Variants in FARS2 observed in about 807,000 individuals in gnomAD.
FARS2 encodes the protein phenylalanyl-tRNA synthetase 2, mitochondrial.
Under a neutral mutation model 46.4 loss-of-function variants are expected in FARS2, and 40 were observed. That is an observed-to-expected ratio of 0.86 (90% CI 0.67 to 1.12). The LOEUF is 1.12. FARS2 is among the 50% of genes most tolerant of loss of function. The probability of loss-of-function intolerance (pLI) is 0.00; values close to 1 mark genes in which losing one functional copy is unlikely to be tolerated. For synonymous variants in FARS2, 234 were observed against 214.9 expected (o/e 1.09, Z -0.78); for missense variants, 513 against 567.9 (o/e 0.90, Z 0.98).
Position 5,641,341 on chromosome 6 carries a change from G to A in FARS2, c.1217+28021G>A, listed in dbSNP as rs563375015. Among the ~76,000 whole-genome samples, 4 of 151,900 alleles carry A rather than the reference G, an allele frequency of 2.6e-5. No individual in the cohort carries two copies. The South Asian group carries it at 8.3e-4, about 32-fold the overall frequency. On this transcript the variant is annotated intron_variant, in intron 6 of 6. Coordinates refer to ENST00000274680, the MANE Select transcript of FARS2 (RefSeq NM_006567.5). ...AGACATAGTCTTACTCTTTCACCGA[G>A]GCTGGAGTGCAGTGGCATGATCTTG...
At chr6:5,613,441 G>T in intron 6 of FARS2, 121 bp downstream of exon 6, 1 of 742,462 alleles carries the variant, frequency 1.3e-6, no homozygotes, top group Non-Finnish European at 2.2e-6. Flanking sequence ...TTCTGAATTT[G>T]TAGTGAATGT....
intron 4 of FARS2, among the ~76,000 whole-genome samples, chr6:5,515,945 G>A (rs1157778268): frequency 6.6e-6 from 1 of 152,178 alleles, no homozygotes; most frequent in Non-Finnish European, 1.5e-5. Context: ...AGCCCTATGT[G>A]TGTAATTTAG....
At chr6:5,595,907 G>T (rs558210170) in intron 5 of FARS2, among the ~76,000 whole-genome samples, 1 of 152,120 alleles carries the variant, frequency 6.6e-6, no homozygotes, top group Non-Finnish European at 1.5e-5. Flanking sequence ...GAGTTGTAGC[G>T]GCTGAGTGAC....
intron 5 of FARS2, among the ~76,000 whole-genome samples, chr6:5,560,098 T>C (rs796372573): frequency 8.5e-5 from 13 of 152,284 alleles, no homozygotes; most frequent in African/African-American, 2.9e-4. Flanking sequence ...TAAATTGAAT[T>C]GAGGAGATCG....
chr6:5,566,970 C>G (rs1023601953), intron 5 of FARS2, among the ~76,000 whole-genome samples: 1 of 152,240 alleles, frequency 6.6e-6, no homozygotes, highest in Non-Finnish European at 1.5e-5. Flanking sequence ...TTGACCCAAA[C>G]AACTTCATTT....
At chr6:5,293,547 T>G (rs1767645903) in intron 1 of FARS2, among the ~76,000 whole-genome samples, 1 of 152,200 alleles carries the variant, frequency 6.6e-6, no homozygotes, top group African/African-American at 2.4e-5. Flanking sequence ...GAGACTAGCT[T>G]CACTACAAGA....
At chr6:5,546,934 T>G (rs1771062505) in intron 5 of FARS2, among the ~76,000 whole-genome samples, 1 of 147,538 alleles carries the variant, frequency 6.8e-6, no homozygotes, top group Non-Finnish European at 1.5e-5. Context: ...TAATGGTTAT[T>G]TTATTTTATT....
In FARS2 at chr6:5,288,746, GAC is replaced by G. The variant is rs1767303336; in HGVS notation, c.-22+27088_-22+27089del. 2.0e-5 allele frequency among the ~76,000 whole-genome samples: 3 copies of G among 152,150 alleles called. No individual in the cohort carries two copies. The South Asian group carries it at 6.2e-4, about 32-fold the overall frequency. On this transcript the variant is annotated intron_variant, in intron 1 of 6. Transcript: ENST00000274680. ...GGAGCTCAAGAAAATGCTCTTAAAA[GAC>G]AGAGAATTAGAAAAAATACCTCTCC...
intron 1 of FARS2, among the ~76,000 whole-genome samples, chr6:5,302,249 C>G (rs921658792): frequency 7.9e-5 from 12 of 152,190 alleles, no homozygotes; most frequent in African/African-American, 2.9e-4. Flanking sequence ...GTCTGCAAAA[C>G]ATGTTAAGAT....
chr6:5,613,965 C>A (rs139651134), intron 6 of FARS2, among the ~76,000 whole-genome samples: 1 of 151,918 alleles, frequency 6.6e-6, no homozygotes, highest in Non-Finnish European at 1.5e-5. Flanking sequence ...GAAGGAGCAT[C>A]GCAGATAGCA....
intron 4 of FARS2, among the ~76,000 whole-genome samples, chr6:5,498,760 A>G (rs1767620947): frequency 6.6e-6 from 1 of 152,200 alleles, no homozygotes; most frequent in Admixed American, 6.5e-5. Context: ...TTACAGCAGG[A>G]TAGGAGCATG....
chr6:5,368,011 C>T (rs1758788728), intron 1 of FARS2, among the ~76,000 whole-genome samples: 1 of 152,014 alleles, frequency 6.6e-6, no homozygotes, highest in Non-Finnish European at 1.5e-5. Context: ...AGAAGTTATG[C>T]TATGTCAAAG....
chr6:5,732,758 C>A (rs576030657), intron 6 of FARS2, among the ~76,000 whole-genome samples: 4 of 152,154 alleles, frequency 2.6e-5, no homozygotes, highest in African/African-American at 9.6e-5. Context: ...GTCTCCTCTT[C>A]GCTTCCCTCT....
At chr6:5,494,370 G>T (rs1043997576) in intron 4 of FARS2, among the ~76,000 whole-genome samples, 10 of 152,202 alleles carry the variant, frequency 6.6e-5, no homozygotes, top group Non-Finnish European at 1.2e-4. Flanking sequence ...CCAAGCTCCT[G>T]TAGCCGCAGG....
intron 5 of FARS2, among the ~76,000 whole-genome samples, chr6:5,577,747 A>G (rs1458320837): frequency 6.6e-6 from 1 of 152,088 alleles, no homozygotes; most frequent in Admixed American, 6.6e-5. Flanking sequence ...CTTTGGAGTA[A>G]ACAATAATTG....
At chr6:5,289,786 C>T (rs9378945) in intron 1 of FARS2, among the ~76,000 whole-genome samples, 1 of 152,330 alleles carries the variant, frequency 6.6e-6, no homozygotes, top group East Asian at 1.9e-4. Context: ...TCATCTGCCA[C>T]ATGGAGAAGA....
intron 2 of FARS2, among the ~76,000 whole-genome samples, chr6:5,371,904 T>C (rs1377214051): frequency 6.6e-6 from 1 of 152,062 alleles, no homozygotes; most frequent in South Asian, 2.1e-4. Flanking sequence ...CATTATCAGA[T>C]TGGATATTTT....
intron 6 of FARS2, among the ~76,000 whole-genome samples, chr6:5,651,424 T>G (rs1777356444): frequency 6.6e-6 from 1 of 152,220 alleles, no homozygotes; most frequent in Admixed American, 6.5e-5. Context: ...GCCTTCATCT[T>G]GGTAGAAGTC....
chr6:5,753,121 C>T (rs946534657), intron 6 of FARS2, among the ~76,000 whole-genome samples: 1 of 152,118 alleles, frequency 6.6e-6, no homozygotes, highest in Non-Finnish European at 1.5e-5. Context: ...AAAATCCCTT[C>T]GTTCTTGATT....
Sources: allele counts gnomAD v4.1 joint callset (sites outside exome capture counted in the v4.1 genomes callset), GRCh38; gene constraint gnomAD v4.1.1; transcripts MANE v1.5; gene names NCBI Gene and HGNC (gene_info 2026-07-23, HGNC 2026-07-21).